Variants in PDE6B observed in about 807,000 individuals in gnomAD.
PDE6B encodes the protein rod cGMP-specific 3',5'-cyclic phosphodiesterase subunit beta.
In PDE6B, 106 loss-of-function variants were observed where a neutral mutation model predicts 109.0. The ratio of observed to expected loss-of-function variants is 0.97; its 90% CI spans 0.83 to 1.14. PDE6B has a LOEUF of 1.14. PDE6B is among the 50% of genes most tolerant of loss of function. The pLI, the probability that PDE6B is intolerant of heterozygous loss-of-function variation, is 0.00. For missense variants in PDE6B, 1,193 were observed against 1,155.6 expected (o/e 1.03, Z -0.47); for synonymous variants, 490 against 471.3 (o/e 1.04, Z -0.51).
At position 656,951 on chromosome 4, in the gene PDE6B, T is replaced by G. The variant is rs1260790280; in HGVS notation, c.1185T>G (p.Ile395Met). Reference protein sequence around the residue: ...SMPIVNKKEEIVGVATFYNRK... With the variant: ...SMPIVNKKEEMVGVATFYNRK... ...CCATCGTCAACAAGAAGGAGGAGAT[T>G]GTGGGAGTCGCCACATTTTACAACA... is the stretch of plus-strand genomic sequence containing the variant. Residue 395 changes from isoleucine to methionine, a missense_variant, in exon 9 of 22, where the codon ATT (isoleucine) becomes ATG (methionine). By Grantham distance (10) the Ile-to-Met change is conservative. Transcript: ENST00000496514. 1 of 1,613,232 alleles carries G rather than the reference T, an allele frequency of 6.2e-7. No homozygotes were observed. Among genetic ancestry groups the G allele is most frequent in the Non-Finnish European group, 8.5e-7 (1 of 1,179,890 alleles).
chr4:658,820 C>G lies in PDE6B; in HGVS notation c.1402-132C>G. On this transcript the variant is annotated intron_variant, in intron 10 of 21. Coordinates refer to ENST00000496514, the MANE Select transcript of PDE6B (RefSeq NM_000283.4). ...CATTTGTCTCCAGATCAGAGGCCGC[C>G]AGGGCCTTCCCAGGGTGAAAGCACA... The G allele has an allele frequency of 1.5e-5, 11 of 718,784 alleles. No individual in the cohort carries two copies. In the South Asian group the frequency reaches 1.6e-4, roughly 11 times the overall value. The allele number at this position is 718,784 out of a possible 1,614,324, so 44.5% of individuals were successfully genotyped here.
At chr4:660,343 C>A in intron 11 of PDE6B, 124 bp from the exon 12 acceptor site, 1 of 975,714 alleles carries the variant, frequency 1.0e-6, no homozygotes, top group Non-Finnish European at 1.6e-6. Flanking sequence ...CCAGGAATGA[C>A]ACATCTCCTC....
At position 665,141 on chromosome 4, in the gene PDE6B, G is replaced by A; in HGVS notation, c.2194-114G>A. ...GCTCAACCGGAGCCCTGTGTGGTGG[G>A]GACCCCGGGGGTCTGGGGCGGAGAA... is the stretch of plus-strand genomic sequence containing the variant. On this transcript the variant is annotated intron_variant, in intron 18 of 21. Transcript: ENST00000496514. This position sits in a 1 kb window ranked among gnomAD's most constrained non-coding sequence, Gnocchi z 4.0. 1.1e-6 allele frequency: 1 copy of A among 880,990 alleles called. No homozygotes were observed. Among genetic ancestry groups the A allele is most frequent in the Non-Finnish European group, 1.9e-6 (1 of 529,644 alleles). The allele number at this position is 880,990 out of a possible 1,614,324, so 54.6% of individuals were successfully genotyped here.
Position 657,000 on chromosome 4 carries a change from G to A in PDE6B, c.1234G>A (p.Glu412Lys), listed in dbSNP as rs769260729. 6 of 1,613,132 alleles carry A rather than the reference G, an allele frequency of 3.7e-6. No individual in the cohort carries two copies. The Admixed American group carries it at 5.0e-5, about 13-fold the overall frequency. The change falls in exon 9 of 22, where the codon GAA (glutamate) becomes AAA (lysine). Residue 412 changes from glutamate to lysine, a missense_variant. Coordinates refer to ENST00000496514, the MANE Select transcript of PDE6B (RefSeq NM_000283.4). The stretch of plus-strand genomic sequence containing the variant: ...CAGGAAAGACGGGAAGCCCTTTGAC[G>A]AACAGGACGAGGTTCTCATGGAGGT... ...YNRKDGKPFD[E>K]QDEVLMESLT...
intron 3 of PDE6B, among the ~76,000 whole-genome samples, chr4:649,138 C>T (rs1293970797): frequency 2.6e-5 from 4 of 152,326 alleles, no homozygotes; most frequent in South Asian, 2.1e-4. Context: ...GCCCCGAGCA[C>T]GGCCAACAGC....
intron 3 of PDE6B, among the ~76,000 whole-genome samples, chr4:646,537 A>T (rs1297413783): frequency 6.6e-6 from 1 of 151,950 alleles, no homozygotes; most frequent in Non-Finnish European, 1.5e-5. Flanking sequence ...AGCCATTATT[A>T]CTTCCAACAT....
In PDE6B at chr4:625,649, C is replaced by A; in HGVS notation, c.23C>A (p.Ala8Asp). 1 of 1,613,496 alleles carries A rather than the reference C, an allele frequency of 6.2e-7. No individual in the cohort carries two copies. The highest frequency in any genetic ancestry group is 8.5e-7 in the Non-Finnish European group (1 of 1,179,504). Residue 8 changes from alanine (A) to aspartate (D), a missense_variant, in exon 1 of 22, where the codon GCC becomes GAC. Ala to Asp is a moderately radical substitution (Grantham distance 126). Transcript: ENST00000496514. This position sits in a 1 kb window ranked among gnomAD's most constrained non-coding sequence, Gnocchi z 5.0. ...ACCATGAGCCTCAGTGAGGAGCAGG[C>A]CCGGAGCTTTCTGGACCAGAACCCC... is the stretch of plus-strand genomic sequence containing the variant. MSLSEEQ[A>D]RSFLDQNPDF...
chr4:661,631 T>C (rs1319837078), intron 12 of PDE6B: 2 of 154,356 alleles, frequency 1.3e-5, no homozygotes, highest in Non-Finnish European at 2.9e-5. Flanking sequence ...TAAAAAATAT[T>C]TCCAAATAAT....
At chr4:649,697 C>T (rs1245451491) in intron 3 of PDE6B, among the ~76,000 whole-genome samples, 2 of 151,920 alleles carry the variant, frequency 1.3e-5, no homozygotes, top group Non-Finnish European at 2.9e-5. Context: ...GGGTTGGGAC[C>T]GCGTAGGCCT....
chr4:666,947 G>A lies in PDE6B; in HGVS notation c.2352+333G>A, dbSNP rs2109279366. ...TCCGCCGTGGCCAGCACACTGTTTT[G>A]GGGGCCTTGGCTGCAGCTCTGTGGG... On this transcript the variant is annotated intron_variant, in intron 20 of 21. Coordinates refer to ENST00000496514, the MANE Select transcript of PDE6B (RefSeq NM_000283.4). The surrounding 1 kb of genome is among the most constrained non-coding windows in gnomAD (Gnocchi z 5.6). Among the ~76,000 whole-genome samples, 1 of 152,330 alleles carries A rather than the reference G, an allele frequency of 6.6e-6. No individual in the cohort carries two copies. Among genetic ancestry groups the A allele is most frequent in the South Asian group, 2.1e-4 (1 of 4,834 alleles).
In PDE6B at chr4:656,024, T is replaced by A. The variant is rs1198959684; in HGVS notation, c.1059+18T>A. Reference sequence around the variant, plus strand: ...GCGGCTTTGTGAGTCCCGTGCTGTCTGGAGTCCCCACAGCCTTGCCCTCAC... The same window carrying A: ...GCGGCTTTGTGAGTCCCGTGCTGTCAGGAGTCCCCACAGCCTTGCCCTCAC... On this transcript the variant is annotated intron_variant, in intron 7 of 21. Coordinates refer to ENST00000496514, the MANE Select transcript of PDE6B (RefSeq NM_000283.4). The A allele has an allele frequency of 2.6e-6, 4 of 1,522,540 alleles. No homozygotes were observed. Among genetic ancestry groups the A allele is most frequent in the Non-Finnish European group, 3.6e-6 (4 of 1,097,486 alleles). The allele number at this position is 1,522,540 out of a possible 1,614,324, so 94.3% of individuals were successfully genotyped here.
rs1291939324 is a variant in PDE6B at position 626,749 on chromosome 4, C to A, written c.468+655C>A. ...CTGGAGTCACTGAAGGAGGGAAGGG[C>A]AGGGCCTGTTCATGCAAAGCCTGGG... On this transcript the variant is annotated intron_variant, in intron 1 of 21. Coordinates refer to ENST00000496514, the MANE Select transcript of PDE6B (RefSeq NM_000283.4). This position sits in a 1 kb window ranked among gnomAD's most constrained non-coding sequence, Gnocchi z 4.6. 1.3e-5 allele frequency among the ~76,000 whole-genome samples: 2 copies of A among 152,194 alleles called. No individual in the cohort carries two copies. Among genetic ancestry groups the A allele is most frequent in the African/African-American group, 4.8e-5 (2 of 41,448 alleles).
At chr4:635,268 G>C (rs1734608462) in intron 2 of PDE6B, among the ~76,000 whole-genome samples, 1 of 126,866 alleles carries the variant, frequency 7.9e-6, no homozygotes, top group African/African-American at 3.1e-5. Context: ...CGTGTTCTGT[G>C]CTGCGCGTCT....
At position 655,970 on chromosome 4, in the gene PDE6B, C is replaced by T; in HGVS notation, c.1023C>T (p.Ala341=). The change falls in exon 7 of 22, where the codon GCC becomes GCT. Residue 341 remains alanine (A), a synonymous_variant. Coordinates refer to ENST00000496514, the MANE Select transcript of PDE6B (RefSeq NM_000283.4). ...CCTCAGCCGATCACTGGGCCCTGGC[C>T]AGCGGCCTTCCAAGCTACGTGGCAG... ...PTPSADHWAL[A]SGLPSYVAES... 1.9e-6 allele frequency: 3 copies of T among 1,611,362 alleles called. No individual in the cohort carries two copies. Among genetic ancestry groups the T allele is most frequent in the African/African-American group, 1.3e-5 (1 of 75,014 alleles).
intron 5 of PDE6B, 126 bp from the exon 6 acceptor site, chr4:654,698 C>T (rs1409828350): frequency 1.3e-6 from 1 of 780,464 alleles, no homozygotes; most frequent in Non-Finnish European, 2.4e-6. Flanking sequence ...TGTACACATG[C>T]ACGGTTACGT....
At chr4:655,077 C>T in intron 6 of PDE6B, 189 bp downstream of exon 6, 1 of 623,404 alleles carries the variant, frequency 1.6e-6, no homozygotes, top group Non-Finnish European at 2.9e-6. Flanking sequence ...CAGAAGCCGA[C>T]TCACTGTTCT....
At chr4:627,410 T>C (rs1355082809) in intron 1 of PDE6B, among the ~76,000 whole-genome samples, 1 of 152,126 alleles carries the variant, frequency 6.6e-6, no homozygotes, top group African/African-American at 2.4e-5. Context: ...ATTTCCAAAG[T>C]GCTGGGATAA....
chr4:644,488 A>G lies in PDE6B; in HGVS notation c.711+8519A>G, dbSNP rs550051354. Among the ~76,000 whole-genome samples the G allele has an allele frequency of 2.0e-5, 3 of 152,064 alleles. 1 individual carries two copies. Among genetic ancestry groups the G allele is most frequent in the African/African-American group, 4.8e-5 (2 of 41,368 alleles). Reference sequence around the variant, plus strand: ...GCTGTTGGTGGATGAGGTAAATTATAGATGTCAATTATGTCCATTCGAATA... The same window carrying G: ...GCTGTTGGTGGATGAGGTAAATTATGGATGTCAATTATGTCCATTCGAATA... On this transcript the variant is annotated intron_variant, in intron 3 of 21. Coordinates refer to ENST00000496514, the MANE Select transcript of PDE6B (RefSeq NM_000283.4).
rs754756020 is a variant in PDE6B at position 664,898 on chromosome 4, C to T, written c.2147C>T (p.Ala716Val). Residue 716 changes from alanine to valine, a missense_variant, in exon 18 of 22, where the codon GCC becomes GTC. By Grantham distance (64) the Ala-to-Val change is moderately conservative. Transcript: ENST00000496514. ...KEIVMAMMMT[A>V]CDLSAITKPW... ...GTCTGCAGGGCCATGATGATGACAGCCTGCGACCTGTCTGCCATCACCAAG... is the reference window on the plus strand; with the variant it reads ...GTCTGCAGGGCCATGATGATGACAGTCTGCGACCTGTCTGCCATCACCAAG... 1 of 1,613,272 alleles carries T rather than the reference C, an allele frequency of 6.2e-7. No individual in the cohort carries two copies. The highest frequency in any genetic ancestry group is 8.5e-7 in the Non-Finnish European group (1 of 1,179,904).
Sources: gnomAD v4.1 joint callset for allele counts (sites outside exome capture counted in the v4.1 genomes callset) on GRCh38, gnomAD v4.1.1 for gene constraint, Gnocchi (gnomAD v3.1) non-coding constraint, MANE v1.5 for transcripts, NCBI Gene and HGNC (gene_info 2026-07-23, HGNC 2026-07-21) for gene names.